The following MAF variants were observed in gnomAD, a reference collection of about 807,000 sequenced individuals.
MAF encodes transcription factor Maf.
MAF carries 10 observed loss-of-function variants against 22.0 expected under a neutral mutation model. The ratio of observed to expected loss-of-function variants is 0.45; its 90% confidence interval spans 0.28 to 0.77. MAF has a LOEUF of 0.77. Ranked by LOEUF, MAF falls within the 30% of genes least tolerant of loss-of-function variation. MAF has a pLI of 0.12. For synonymous variants in MAF, 337 were observed against 255.8 expected (o/e 1.32, Z -3.03); for missense variants, 544 against 548.4 (o/e 0.99, Z 0.08).
chr16:79,544,130 T>TG, the MAF span, among the ~76,000 whole-genome samples: 188 of 152,046 alleles, frequency 1.2e-3, 1 homozygote, highest in Middle Eastern at 0.014. Context: ...TGGTCAACCG[T>TG]GGGGGGGAAA....
the MAF span, among the ~76,000 whole-genome samples, chr16:79,394,062 G>A: frequency 1.2e-4 from 18 of 152,192 alleles, no homozygotes; most frequent in Non-Finnish European, 2.2e-4. Context: ...CCACGTGCAT[G>A]TTCTTCTAAA....
the MAF span, among the ~76,000 whole-genome samples, chr16:79,368,670 C>T: frequency 8.4e-4 from 128 of 152,268 alleles, no homozygotes; most frequent in African/African-American, 3.0e-3. Context: ...CTTCTGTCTC[C>T]TTCACTCTGC....
chr16:79,395,253 T>C, the MAF span, among the ~76,000 whole-genome samples: 9 of 152,306 alleles, frequency 5.9e-5, no homozygotes, highest in Admixed American at 5.9e-4. Context: ...CTGGATCATA[T>C]TCTGAGGGCA....
chr16:79,525,476 G>A, the MAF span, among the ~76,000 whole-genome samples: 1 of 152,098 alleles, frequency 6.6e-6, no homozygotes, highest in South Asian at 2.1e-4. Flanking sequence ...AATATTGACA[G>A]CAATTTGATC....
the MAF span, among the ~76,000 whole-genome samples, chr16:79,364,983 A>T: frequency 3.3e-5 from 5 of 152,288 alleles, no homozygotes; most frequent in Admixed American, 3.3e-4. Context: ...GTGGGAAGGG[A>T]AGTGTTTGTA....
the MAF span, among the ~76,000 whole-genome samples, chr16:79,255,045 A>G: frequency 2.0e-5 from 3 of 152,188 alleles, 1 homozygote; most frequent in South Asian, 6.2e-4. Flanking sequence ...ATCCTTGCCT[A>G]CCACTGTTCA....
chr16:79,532,234 C>G, the MAF span, among the ~76,000 whole-genome samples: 1 of 152,028 alleles, frequency 6.6e-6, no homozygotes, highest in Admixed American at 6.6e-5. Context: ...GAGACATGGC[C>G]CCCACTCTGG....
the MAF span, among the ~76,000 whole-genome samples, chr16:79,387,464 T>C: frequency 5.3e-5 from 8 of 152,274 alleles, no homozygotes; most frequent in Non-Finnish European, 1.2e-4. Context: ...TGAGTCCCAG[T>C]GGGAAGTTAT....
chr16:79,502,499 C>G, the MAF span, among the ~76,000 whole-genome samples: 1 of 151,528 alleles, frequency 6.6e-6, no homozygotes, highest in Admixed American at 6.6e-5. Context: ...AACCCTGTGT[C>G]TACAAAACAT....
At chr16:79,261,478 G>A in the MAF span, among the ~76,000 whole-genome samples, 1 of 152,204 alleles carries the variant, frequency 6.6e-6, no homozygotes, top group Admixed American at 6.5e-5. Context: ...CTTAGCACAG[G>A]AGCTTCTACA....
At chr16:79,518,106 C>G in the MAF span, among the ~76,000 whole-genome samples, 1 of 152,210 alleles carries the variant, frequency 6.6e-6, no homozygotes. Context: ...ATTACATTCT[C>G]TCAACCGTGC....
chr16:79,411,693 A>G, the MAF span, among the ~76,000 whole-genome samples: 2 of 152,184 alleles, frequency 1.3e-5, no homozygotes, highest in South Asian at 4.1e-4. Flanking sequence ...TATTTACTGA[A>G]TTACTCTGTG....
chr16:79,590,279 C>T (rs1457403852), downstream of MAF, among the ~76,000 whole-genome samples: 2 of 152,158 alleles, frequency 1.3e-5, no homozygotes, highest in African/African-American at 2.4e-5. Flanking sequence ...AACTCAGCAT[C>T]CTCTCTGCCT....
the MAF span, among the ~76,000 whole-genome samples, chr16:79,520,454 G>A: frequency 6.6e-6 from 1 of 152,060 alleles, no homozygotes; most frequent in Non-Finnish European, 1.5e-5. Context: ...CCACACCCTA[G>A]CCTCTCTTCT....
chr16:79,304,471 A>T, the MAF span, among the ~76,000 whole-genome samples: 1 of 152,088 alleles, frequency 6.6e-6, no homozygotes, highest in Non-Finnish European at 1.5e-5. Flanking sequence ...TTCTCTTTTG[A>T]TGGTTTGTTT....
the MAF span, among the ~76,000 whole-genome samples, chr16:79,486,694 G>A: frequency 1.3e-5 from 2 of 152,210 alleles, no homozygotes; most frequent in East Asian, 3.8e-4. Flanking sequence ...CTCCGAGACA[G>A]AGAGAGAGCA....
the MAF span, among the ~76,000 whole-genome samples, chr16:79,468,473 TG>T: frequency 6.6e-5 from 10 of 152,206 alleles, no homozygotes; most frequent in Admixed American, 3.3e-4. Context: ...GACCTGCTCT[TG>T]TTTGGCCCGT....
chr16:79,271,540 C>G, the MAF span, among the ~76,000 whole-genome samples: 1 of 152,176 alleles, frequency 6.6e-6, no homozygotes, highest in African/African-American at 2.4e-5. Flanking sequence ...CATGAGTAGA[C>G]TGTGACAGCC....
At chr16:79,522,224 G>A in the MAF span, among the ~76,000 whole-genome samples, 3 of 152,232 alleles carry the variant, frequency 2.0e-5, no homozygotes, top group Non-Finnish European at 4.4e-5. Context: ...ACTCTCCACT[G>A]TTCCAGTGCT....
Sources: allele counts gnomAD v4.1 joint callset (sites outside exome capture counted in the v4.1 genomes callset), GRCh38; gene constraint gnomAD v4.1.1; transcripts MANE v1.5; gene names NCBI Gene and HGNC (gene_info 2026-07-23, HGNC 2026-07-21).